ZFYVE9: variants seen among roughly 807,000 people sequenced by gnomAD.
ZFYVE9 encodes the protein zinc finger FYVE domain-containing protein 9.
A neutral mutation model predicts 126.7 loss-of-function variants in ZFYVE9; 43 were observed. The observed-to-expected ratio is 0.34, with a 90% CI of 0.27 to 0.44. The LOEUF is 0.44. ZFYVE9 is among the 20% of genes least tolerant of loss of function. ZFYVE9 has a pLI of 1.00. For missense variants in ZFYVE9, 1,476 were observed against 1,697.0 expected, an observed-to-expected ratio of 0.87 and a Z score of 2.29; for synonymous variants, 521 against 597.4, an observed-to-expected ratio of 0.87 and a Z score of 1.87.
chr1:52,259,247 A>C (rs1461973499), intron 4 of ZFYVE9, among the ~76,000 whole-genome samples: 3 of 151,990 alleles, frequency 2.0e-5, no homozygotes, highest in Non-Finnish European at 4.4e-5. Flanking sequence ...GTCATGTTGG[A>C]TTAGGAGACT....
At chr1:52,198,814 C>T (rs917721164) in intron 1 of ZFYVE9, among the ~76,000 whole-genome samples, 15 of 152,088 alleles carry the variant, frequency 9.9e-5, no homozygotes, top group African/African-American at 3.4e-4. Context: ...CTGCCCTCAC[C>T]CACGTATAGC....
At chr1:52,302,992 C>T (rs1464478357) in intron 12 of ZFYVE9, among the ~76,000 whole-genome samples, 1 of 152,058 alleles carries the variant, frequency 6.6e-6, no homozygotes, top group Non-Finnish European at 1.5e-5. Flanking sequence ...CATATGTAAT[C>T]CCAGCTACTT....
intron 1 of ZFYVE9, among the ~76,000 whole-genome samples, chr1:52,183,973 C>T (rs1644739890): frequency 6.6e-6 from 1 of 150,884 alleles, no homozygotes; most frequent in Admixed American, 6.6e-5. Context: ...GGATTACAGG[C>T]GTGAGCCACC....
rs747909607 is a variant in ZFYVE9 at position 52,274,562 on chromosome 1, C to T, written c.2724C>T (p.Leu908=). The T allele has an allele frequency of 3.1e-6, 5 of 1,612,016 alleles. No individual in the cohort carries two copies. Among genetic ancestry groups the T allele is most frequent in the African/African-American group, 2.7e-5 (2 of 74,904 alleles). The change falls in exon 8 of 19, where the codon CTC becomes CTT. Residue 908 remains leucine, a synonymous_variant. Transcript: ENST00000287727. The stretch of plus-strand genomic sequence containing the variant: ...CTGAAGATGGCCTTCCTCCCATTCT[C>T]ATCTCCACTGGTGTAAAAGGAGGTA... ...LIPEDGLPPI[L]ISTGVKGDYA... is the part of the protein sequence containing the mutation.
At chr1:52,262,645 A>G (rs1429804322) in intron 4 of ZFYVE9, among the ~76,000 whole-genome samples, 1 of 152,184 alleles carries the variant, frequency 6.6e-6, no homozygotes, top group Non-Finnish European at 1.5e-5. Flanking sequence ...ATGACCCCTC[A>G]TCTCTTGGTT....
At chr1:52,170,144 T>G (rs1022169887) in intron 1 of ZFYVE9, among the ~76,000 whole-genome samples, 1 of 152,214 alleles carries the variant, frequency 6.6e-6, no homozygotes, top group African/African-American at 2.4e-5. Flanking sequence ...AATAATTGTT[T>G]CCTCTTAGTT....
chr1:52,145,249 T>C (rs1644296117), intron 1 of ZFYVE9, among the ~76,000 whole-genome samples: 1 of 152,220 alleles, frequency 6.6e-6, no homozygotes, highest in Non-Finnish European at 1.5e-5. Flanking sequence ...CTATTAACTC[T>C]TTTAGAAAGG....
chr1:52,322,839 CTA>C (rs1397248783), intron 13 of ZFYVE9, among the ~76,000 whole-genome samples: 5 of 151,836 alleles, frequency 3.3e-5, no homozygotes, highest in African/African-American at 1.2e-4. Flanking sequence ...GAGTCTCGCT[CTA>C]TCGCCCAGGC....
chr1:52,252,941 C>T (rs984948446), intron 4 of ZFYVE9, among the ~76,000 whole-genome samples: 24 of 152,192 alleles, frequency 1.6e-4, no homozygotes, highest in African/African-American at 3.4e-4. Context: ...AGTCTAGGTG[C>T]GGTGGCTCAC....
At chr1:52,227,384 C>G (rs1051860375) in intron 2 of ZFYVE9, among the ~76,000 whole-genome samples, 1 of 151,898 alleles carries the variant, frequency 6.6e-6, no homozygotes, top group Non-Finnish European at 1.5e-5. Context: ...AGTTTCCACC[C>G]ATTGTAGCAA....
intron 1 of ZFYVE9, among the ~76,000 whole-genome samples, chr1:52,178,199 A>T (rs922372917): frequency 6.8e-5 from 10 of 147,856 alleles, no homozygotes; most frequent in Admixed American, 6.7e-4. Flanking sequence ...GAATGGCATG[A>T]ACCTGGGAGG....
At chr1:52,304,018 A>T (rs1646059449) in intron 13 of ZFYVE9, 93 bp downstream of exon 13, 1 of 744,612 alleles carries the variant, frequency 1.3e-6, no homozygotes, top group Admixed American at 3.4e-5. Context: ...CTTATAATTA[A>T]TTAACAATGA....
At chr1:52,244,508 T>C (rs576339311) in intron 4 of ZFYVE9, among the ~76,000 whole-genome samples, 1 of 152,286 alleles carries the variant, frequency 6.6e-6, no homozygotes, top group Non-Finnish European at 1.5e-5. Context: ...ATACTTCATA[T>C]AGAAAATATA....
chr1:52,150,989 C>CTTTT (rs57055558), intron 1 of ZFYVE9, among the ~76,000 whole-genome samples: 4 of 127,644 alleles, frequency 3.1e-5, no homozygotes, highest in African/African-American at 8.6e-5. Context: ...TGATAATTGT[C>CTTTT]TTTTTTTTTT....
intron 1 of ZFYVE9, among the ~76,000 whole-genome samples, chr1:52,148,824 T>C (rs1204011034): frequency 6.6e-6 from 1 of 151,560 alleles, no homozygotes; most frequent in Non-Finnish European, 1.5e-5. Context: ...GTAATTTTAG[T>C]AGCGACGGGA....
chr1:52,318,688 C>G (rs1288350930), intron 13 of ZFYVE9, among the ~76,000 whole-genome samples: 4 of 151,910 alleles, frequency 2.6e-5, no homozygotes, highest in African/African-American at 9.7e-5. Flanking sequence ...CTTATGGAGT[C>G]TACAAAATGG....
chr1:52,251,026 T>TTTGTTGTTGTTG (rs200636201), intron 4 of ZFYVE9, among the ~76,000 whole-genome samples: 1 of 146,924 alleles, frequency 6.8e-6, no homozygotes, highest in Non-Finnish European at 1.5e-5. Flanking sequence ...TTCAGTCGTT[T>TTTGTTGTTGTTG]TTGTTGTTGT....
At position 52,332,861 on chromosome 1, in the gene ZFYVE9, A is replaced by AATG; in HGVS notation, c.3539_3541dup (p.Asp1180dup). 6.2e-7 allele frequency: 1 copy of AATG among 1,614,166 alleles called. No homozygotes were observed. The highest frequency in any genetic ancestry group is 8.5e-7 in the Non-Finnish European group (1 of 1,180,036). On this transcript the variant is annotated inframe_insertion, in exon 14 of 19. Transcript: ENST00000287727. ...AGACTCTCATCTTGTGTGTGTACAG[A>AATG]ATGATGATGGAAACTATCAGACCCA...
Position 52,306,921 on chromosome 1 carries a change from T to C in ZFYVE9, c.3438+2996T>C, listed in dbSNP as rs1228218601. On this transcript the variant is annotated intron_variant, in intron 13 of 18. Transcript: ENST00000287727. ...TTCTCACACACCCCTTGCTGCTCCA[T>C]GCCTGGCTCACCCTTGACAGACATG... Among the ~76,000 whole-genome samples, 5 of 152,170 alleles carry C rather than the reference T, an allele frequency of 3.3e-5. No homozygotes were observed. The East Asian group carries it at 7.7e-4, about 23-fold the overall frequency.
Sources: gnomAD v4.1 joint callset for allele counts (sites outside exome capture counted in the v4.1 genomes callset) on GRCh38, gnomAD v4.1.1 for gene constraint, MANE v1.5 for transcripts, NCBI Gene and HGNC (gene_info 2026-07-23, HGNC 2026-07-21) for gene names.